Variants in AGO2 observed in about 807,000 individuals in gnomAD.
AGO2 encodes protein argonaute-2.
A neutral mutation model predicts 102.3 loss-of-function variants in AGO2; 5 were observed. The observed-to-expected ratio is 0.05, with a 90% CI of 0.03 to 0.10. The LOEUF is 0.10. Among genes scored for constraint, AGO2 ranks in the 10% least tolerant of loss-of-function variants. The pLI, the probability that AGO2 is intolerant of heterozygous loss-of-function variation, is 1.00. For synonymous variants in AGO2, 449 were observed against 473.1 expected (o/e 0.95, Z 0.66); for missense variants, 541 against 1,183.7 (o/e 0.46, Z 7.97).
chr8:140,552,738 GCGCACACACACACACA>G (rs774050996), intron 10 of AGO2, among the ~76,000 whole-genome samples: 4,989 of 97,394 alleles, frequency 0.051, 94 homozygotes, highest in African/African-American at 0.099. Flanking sequence ...ACGCGCGCGC[GCGCACACACACACACA>G]CACACACACA....
chr8:140,635,524 G>A lies in AGO2; in HGVS notation c.-18C>T. On this transcript the variant is annotated 5_prime_UTR_variant, in exon 1 of 19. Transcript: ENST00000220592. ...GAGTACATGGTGGCGCCGCCGAGGG[G>A]CTCCGGGGCCGAGGGGCGGCCGCGC... 3 of 979,336 alleles carry A rather than the reference G, an allele frequency of 3.1e-6. No individual in the cohort carries two copies. Among genetic ancestry groups the A allele is most frequent in the Non-Finnish European group, 3.6e-6 (3 of 827,032 alleles). The allele number at this position is 979,336 out of a possible 1,614,324, so 60.7% of individuals were successfully genotyped here.
intron 1 of AGO2, among the ~76,000 whole-genome samples, chr8:140,617,070 G>A (rs2074150543): frequency 6.6e-6 from 1 of 152,210 alleles, no homozygotes; most frequent in African/African-American, 2.4e-5. Context: ...CAGTGAGAGA[G>A]TGGACCCCCC....
rs148546290 is a variant in AGO2 at position 140,604,684 on chromosome 8, G to A, written c.23-19373C>T. ...TACTAAAAATACAAAAAAGTTAGCCGGGCGTGGTGGCGGGTGCCTGTAGTC... is the reference window on the plus strand; with the variant it reads ...TACTAAAAATACAAAAAAGTTAGCCAGGCGTGGTGGCGGGTGCCTGTAGTC... On this transcript the variant is annotated intron_variant, in intron 1 of 18. Transcript: ENST00000220592. 6.4e-4 allele frequency among the ~76,000 whole-genome samples: 97 copies of A among 152,254 alleles called. 1 individual carries two copies. The highest frequency in any genetic ancestry group is 1.9e-3 in the African/African-American group (80 of 41,562).
chr8:140,574,683 G>A (rs2073438567), intron 2 of AGO2, among the ~76,000 whole-genome samples: 1 of 152,138 alleles, frequency 6.6e-6, no homozygotes, highest in African/African-American at 2.4e-5. Context: ...GCCCATGTGA[G>A]GGAAATGCAG....
At position 140,557,866 on chromosome 8, in the gene AGO2, A is replaced by G. The variant is rs1359756181; in HGVS notation, c.878+619T>C. 6.6e-6 allele frequency among the ~76,000 whole-genome samples: 1 copy of G among 152,220 alleles called. No homozygotes were observed. Among genetic ancestry groups the G allele is most frequent in the East Asian group, 1.9e-4 (1 of 5,200 alleles). On this transcript the variant is annotated intron_variant, in intron 7 of 18. Coordinates refer to ENST00000220592, the MANE Select transcript of AGO2 (RefSeq NM_012154.5). This position sits in a 1 kb window ranked among gnomAD's most constrained non-coding sequence, Gnocchi z 5.9. The stretch of plus-strand genomic sequence containing the variant: ...CCATCTGCAGCCTCTGCCAGGCCAC[A>G]GGCCCTCTCGTCCTTCTGCTCCCTC...
At chr8:140,560,220 C>T (rs1435158337) in intron 5 of AGO2, among the ~76,000 whole-genome samples, 154 bp downstream of exon 5, 2 of 152,258 alleles carry the variant, frequency 1.3e-5, no homozygotes, top group Non-Finnish European at 2.9e-5. Context: ...CCACCCAACA[C>T]TGCAGGTGAG....
chr8:140,587,741 C>T (rs562863659), intron 1 of AGO2, among the ~76,000 whole-genome samples: 4 of 152,248 alleles, frequency 2.6e-5, no homozygotes, highest in Admixed American at 1.3e-4. Context: ...GGGCCACATA[C>T]GCACTTGTCA....
intron 3 of AGO2, among the ~76,000 whole-genome samples, chr8:140,566,923 C>G (rs1266241241): frequency 6.6e-6 from 1 of 152,162 alleles, no homozygotes; most frequent in Non-Finnish European, 1.5e-5. Context: ...GTGGAGTGAG[C>G]TTGGGAGTGG....
chr8:140,619,356 T>G (rs2074184473), intron 1 of AGO2, among the ~76,000 whole-genome samples: 1 of 152,146 alleles, frequency 6.6e-6, no homozygotes, highest in Non-Finnish European at 1.5e-5. Context: ...CCATCCACAA[T>G]GATCCACTGA....
At position 140,547,536 on chromosome 8, in the gene AGO2, C is replaced by T. The variant is rs1039043055; in HGVS notation, c.1680G>A (p.Leu560=). The T allele has an allele frequency of 6.2e-7, 1 of 1,614,200 alleles. No homozygotes were observed. Among genetic ancestry groups the T allele is most frequent in the African/African-American group, 1.3e-5 (1 of 75,072 alleles). Residue 560 remains leucine, a synonymous_variant, in exon 13 of 19, where the codon CTG becomes CTA. Coordinates refer to ENST00000220592, the MANE Select transcript of AGO2 (RefSeq NM_012154.5). ...CGTTGATCTTCAGGCAGAGGTTGGACAGGGTCTGTGGCGTGGTCCTCTGCA... is the reference window on the plus strand; with the variant it reads ...CGTTGATCTTCAGGCAGAGGTTGGATAGGGTCTGTGGCGTGGTCCTCTGCA... The part of the protein sequence containing the change: ...KNVQRTTPQT[L]SNLCLKINVK...
At chr8:140,568,278 T>C (rs1334338240) in intron 3 of AGO2, among the ~76,000 whole-genome samples, 1 of 61,454 alleles carries the variant, frequency 1.6e-5, no homozygotes, top group African/African-American at 1.2e-4. Flanking sequence ...AGCGAGACCA[T>C]GTCTGGGGGA....
chr8:140,536,757 C>T (rs939070647), intron 16 of AGO2, among the ~76,000 whole-genome samples: 8 of 151,934 alleles, frequency 5.3e-5, no homozygotes, highest in African/African-American at 1.7e-4. Context: ...AGCTGACTTC[C>T]GAGCCCTCCT....
At chr8:140,634,604 AAAC>A (rs575063997) in intron 1 of AGO2, among the ~76,000 whole-genome samples, 2 of 152,354 alleles carry the variant, frequency 1.3e-5, no homozygotes, top group East Asian at 3.9e-4. Flanking sequence ...TTAAAAAGAA[AAAC>A]AACGCGTTAC....
chr8:140,541,527 G>A, intron 14 of AGO2, 169 bp from the exon 15 acceptor site: 1 of 607,174 alleles, frequency 1.6e-6, no homozygotes, highest in South Asian at 2.3e-5. Context: ...TTAGGCTTTT[G>A]GTGTCTGGCA....
At chr8:140,532,383 C>T in intron 18 of AGO2, 33 bp downstream of exon 18, 1 of 1,594,458 alleles carries the variant, frequency 6.3e-7, no homozygotes, top group East Asian at 2.3e-5. Context: ...AAAACCACCC[C>T]TGCTGTGACC....
At chr8:140,595,637 A>T (rs1399004816) in intron 1 of AGO2, among the ~76,000 whole-genome samples, 1 of 135,196 alleles carries the variant, frequency 7.4e-6, no homozygotes, top group African/African-American at 2.7e-5. Flanking sequence ...TATTATATAT[A>T]TATTATTTAT....
At position 140,521,158 on chromosome 8, in the gene AGO2, A is replaced by G. The variant is rs2072410897; in HGVS notation, c.*10886T>C. ...TGCCCCAAAGTCCTCTCGTTAGGTT[A>G]AAAACACAATGCGTCCTGGGGAGCC... On this transcript the variant is annotated 3_prime_UTR_variant, in exon 19 of 19. Coordinates refer to ENST00000220592, the MANE Select transcript of AGO2 (RefSeq NM_012154.5). 6.6e-6 allele frequency: 1 copy of G among 152,208 alleles called. No homozygotes were observed. The highest frequency in any genetic ancestry group is 2.4e-5 in the African/African-American group (1 of 41,466). 9.4% of individuals were successfully genotyped at this position (152,208 alleles called of 1,614,324 possible).
At chr8:140,542,453 T>C (rs1294822832) in intron 14 of AGO2, among the ~76,000 whole-genome samples, 2 of 152,098 alleles carry the variant, frequency 1.3e-5, no homozygotes, top group Admixed American at 1.3e-4. Context: ...AAATAAACTC[T>C]GTAATGTTTC....
intron 12 of AGO2, among the ~76,000 whole-genome samples, chr8:140,547,864 C>T (rs1158539466): frequency 6.6e-6 from 1 of 152,244 alleles, no homozygotes; most frequent in African/African-American, 2.4e-5. Flanking sequence ...CCCGCCTCGC[C>T]CAGGCCAGGC....
Sources: gnomAD v4.1 joint callset for allele counts (sites outside exome capture counted in the v4.1 genomes callset) on GRCh38, gnomAD v4.1.1 for gene constraint, Gnocchi (gnomAD v3.1) non-coding constraint, MANE v1.5 for transcripts, NCBI Gene and HGNC (gene_info 2026-07-23, HGNC 2026-07-21) for gene names.